The following VGLL4 variants were observed in gnomAD, a reference collection of about 807,000 sequenced individuals.
VGLL4 encodes transcription cofactor vestigial-like protein 4.
A neutral mutation model predicts 21.0 loss-of-function variants in VGLL4; 7 were observed. The observed-to-expected ratio is 0.33, with a 90% CI of 0.19 to 0.63. VGLL4 has a LOEUF of 0.63. VGLL4 is among the 20% of genes least tolerant of loss of function. VGLL4 has a pLI of 0.78. For missense variants in VGLL4, 394 were observed against 425.7 expected (o/e 0.93, Z 0.66); for synonymous variants, 222 against 173.2 (o/e 1.28, Z -2.21).
In VGLL4 at chr3:11,609,994, T is replaced by C. The variant is rs62248310; in HGVS notation, c.83-7972A>G. On this transcript the variant is annotated intron_variant, in intron 1 of 4. Transcript: ENST00000430365. ...TCTCCGCTGTGTCTAAGGCTTTACGTTCAGCCCCCCTCCCAGCCCCTTTAT... is the reference window on the plus strand; with the variant it reads ...TCTCCGCTGTGTCTAAGGCTTTACGCTCAGCCCCCCTCCCAGCCCCTTTAT... Among the ~76,000 whole-genome samples the C allele has an allele frequency of 5.1e-3, 777 of 152,308 alleles. 2 individuals are homozygous for C. The highest frequency in any genetic ancestry group is 0.027 in the Middle Eastern group (8 of 292).
chr3:11,584,488 A>C (rs765347927), intron 2 of VGLL4, among the ~76,000 whole-genome samples: 1 of 152,162 alleles, frequency 6.6e-6, no homozygotes, highest in Non-Finnish European at 1.5e-5. Flanking sequence ...GGAACAGATC[A>C]GTAAACCATA....
At chr3:11,593,302 A>C (rs568647558) in intron 2 of VGLL4, among the ~76,000 whole-genome samples, 5 of 152,194 alleles carry the variant, frequency 3.3e-5, no homozygotes, top group Non-Finnish European at 7.3e-5. Flanking sequence ...GATACCAAAA[A>C]CTACAGATAC....
rs59999510 is a variant in VGLL4 at position 11,665,101 on chromosome 3, C to CTTTTTTTT, written c.64+37862_64+37869dup. On this transcript the variant is annotated intron_variant, in intron 2 of 5. Coordinates refer to the VGLL4 transcript ENST00000273038. ...AAATGAAAGCAATTTGAATATTTTT[C>CTTTTTTTT]TTTTTTTTTTTTTTTTTTTTTTTTT... is the stretch of plus-strand genomic sequence containing the variant. Among the ~76,000 whole-genome samples, 65 of 96,966 alleles carry CTTTTTTTT rather than the reference C, an allele frequency of 6.7e-4. 7 individuals are homozygous for CTTTTTTTT. The highest frequency in any genetic ancestry group is 2.3e-3 in the African/African-American group (47 of 20,506). 63.6% of individuals were successfully genotyped at this position (96,966 alleles called of 152,430 possible).
intron 2 of VGLL4, among the ~76,000 whole-genome samples, chr3:11,649,987 T>G (rs2075846288): frequency 1.3e-5 from 2 of 152,306 alleles, no homozygotes; most frequent in Admixed American, 6.5e-5. Flanking sequence ...TTGCCCAGGC[T>G]AGAGTGCAGT....
At chr3:11,576,906 G>A (rs530636279) in intron 2 of VGLL4, among the ~76,000 whole-genome samples, 7 of 152,360 alleles carry the variant, frequency 4.6e-5, no homozygotes, top group African/African-American at 9.6e-5. Context: ...GGAGGGAAAC[G>A]GGAACAGTGT....
intron 3 of VGLL4, 109 bp from the exon 4 acceptor site, chr3:11,559,564 C>A: frequency 7.2e-7 from 1 of 1,391,272 alleles, no homozygotes; most frequent in Non-Finnish European, 9.4e-7. Flanking sequence ...CCTTCCTGAC[C>A]CAGTCTGCCA....
intron 2 of VGLL4, among the ~76,000 whole-genome samples, chr3:11,661,461 T>TTATTTATTTATC (rs1367861171): frequency 3.3e-5 from 5 of 150,816 alleles, no homozygotes; most frequent in Admixed American, 1.3e-4. Flanking sequence ...ATTTATTTAT[T>TTATTTATTTATC]TATCTATTTA....
At chr3:11,667,641 CAT>C in intron 2 of VGLL4, among the ~76,000 whole-genome samples, 1 of 152,240 alleles carries the variant, frequency 6.6e-6, no homozygotes, top group Non-Finnish European at 1.5e-5. Context: ...ATACAAAACA[CAT>C]GTGTAGAAGA....
At chr3:11,586,046 T>A (rs545561358) in intron 2 of VGLL4, among the ~76,000 whole-genome samples, 1 of 152,160 alleles carries the variant, frequency 6.6e-6, no homozygotes, top group African/African-American at 2.4e-5. Flanking sequence ...AACTCCTAGA[T>A]TAAAGATTGC....
intron 2 of VGLL4, among the ~76,000 whole-genome samples, chr3:11,688,350 G>A (rs2076480605): frequency 6.6e-6 from 1 of 152,108 alleles, no homozygotes; most frequent in Admixed American, 6.6e-5. Context: ...AGGGAAATCT[G>A]TTTCTTTAGG....
At chr3:11,615,103 T>C (rs1290460757) in intron 1 of VGLL4, among the ~76,000 whole-genome samples, 1 of 152,200 alleles carries the variant, frequency 6.6e-6, no homozygotes, top group Non-Finnish European at 1.5e-5. Context: ...AACAGGGACA[T>C]TCTCCTTCAG....
rs1241667226 is a variant in VGLL4, at chr3:11,557,129, G to A, written c.*1427C>T. On this transcript the variant is annotated 3_prime_UTR_variant, in exon 5 of 5. Coordinates refer to ENST00000430365, the MANE Select transcript of VGLL4 (RefSeq NM_001128219.3). ...CAGGTGGGACACAGCACACCCCAGG[G>A]GGAGGGGATAGAAACGCTCATTGAC... 6.6e-6 allele frequency: 1 copy of A among 152,590 alleles called. No individual in the cohort carries two copies. The highest frequency in any genetic ancestry group is 1.5e-5 in the Non-Finnish European group (1 of 68,048). The allele number at this position is 152,590 out of a possible 1,614,324, so 9.5% of individuals were successfully genotyped here.
intron 1 of VGLL4, among the ~76,000 whole-genome samples, chr3:11,717,142 TC>T (rs2076929250): frequency 6.6e-6 from 1 of 151,762 alleles, no homozygotes; most frequent in Admixed American, 6.6e-5. Flanking sequence ...CTTTTTGCAG[TC>T]TATTTAGTAA....
intron 2 of VGLL4, among the ~76,000 whole-genome samples, chr3:11,678,883 A>C (rs531560466): frequency 1.3e-4 from 20 of 152,348 alleles, no homozygotes; most frequent in African/African-American, 4.8e-4. Flanking sequence ...CGGTGGTTCC[A>C]TAAGGCTATA....
chr3:11,651,519 G>A (rs2075872605), intron 2 of VGLL4, among the ~76,000 whole-genome samples: 1 of 148,382 alleles, frequency 6.7e-6, no homozygotes, highest in Non-Finnish European at 1.5e-5. Context: ...AGAACCATTA[G>A]CTAGGATTAA....
intron 2 of VGLL4, among the ~76,000 whole-genome samples, chr3:11,681,287 CG>C (rs1001590233): frequency 6.6e-6 from 1 of 152,132 alleles, no homozygotes; most frequent in African/African-American, 2.4e-5. Context: ...TTAGTAGAGA[CG>C]GGGTTTCACC....
chr3:11,678,390 T>C (rs531496517), intron 2 of VGLL4, among the ~76,000 whole-genome samples: 3 of 152,188 alleles, frequency 2.0e-5, no homozygotes, highest in Non-Finnish European at 4.4e-5. Context: ...CCACATAAAA[T>C]GCCTCTCTGA....
intron 2 of VGLL4, among the ~76,000 whole-genome samples, chr3:11,680,976 C>T (rs1559941569): frequency 6.6e-6 from 1 of 152,244 alleles, no homozygotes; most frequent in African/African-American, 2.4e-5. Flanking sequence ...TCCCCCGCCC[C>T]CACGCCTCCC....
At chr3:11,567,910 G>T (rs1016730500) in intron 2 of VGLL4, among the ~76,000 whole-genome samples, 1 of 152,230 alleles carries the variant, frequency 6.6e-6, no homozygotes, top group East Asian at 1.9e-4. Flanking sequence ...TTCATGAAGT[G>T]CATAGACCTG....
Sources: gnomAD v4.1 joint callset for allele counts (sites outside exome capture counted in the v4.1 genomes callset) on GRCh38, gnomAD v4.1.1 for gene constraint, MANE v1.5 for transcripts, NCBI Gene and HGNC (gene_info 2026-07-23, HGNC 2026-07-21) for gene names.